CAB39: variants seen among roughly 807,000 people sequenced by gnomAD.
CAB39 encodes the protein calcium binding protein 39, also known as calcium-binding protein 39.
A neutral mutation model predicts 40.0 loss-of-function variants in CAB39; 8 were observed. The ratio of observed to expected loss-of-function variants is 0.20; its 90% confidence interval spans 0.12 to 0.36. The LOEUF (loss-of-function observed/expected upper bound fraction) is 0.36. Ranked by LOEUF, CAB39 falls within the 10% of genes least tolerant of loss-of-function variation. CAB39 has a pLI of 1.00. For missense variants in CAB39, 270 were observed against 401.1 expected (o/e 0.67, Z 2.79); for synonymous variants, 156 against 141.6 (o/e 1.10, Z -0.72).
At chr2:230,776,223 G>GTCTT (rs1292424698) in intron 2 of CAB39, among the ~76,000 whole-genome samples, 1 of 152,154 alleles carries the variant, frequency 6.6e-6, no homozygotes, top group African/African-American at 2.4e-5. Context: ...AGTGCAAGAG[G>GTCTT]TCTTACGCTA....
At chr2:230,736,139 C>T (rs1239920259) in intron 1 of CAB39, among the ~76,000 whole-genome samples, 1 of 152,150 alleles carries the variant, frequency 6.6e-6, no homozygotes, top group African/African-American at 2.4e-5. Flanking sequence ...GGCTTTACCA[C>T]ATTTTCTCTG....
At chr2:230,741,127 C>G (rs148659815) in intron 1 of CAB39, among the ~76,000 whole-genome samples, 17 of 152,262 alleles carry the variant, frequency 1.1e-4, no homozygotes, top group Admixed American at 2.0e-4. Flanking sequence ...GTTTATCTCC[C>G]TCTGACAAAA....
At chr2:230,724,950 G>C (rs1694534055) in intron 1 of CAB39, among the ~76,000 whole-genome samples, 1 of 151,810 alleles carries the variant, frequency 6.6e-6, no homozygotes, top group Admixed American at 6.6e-5. Flanking sequence ...AAAAGGACGG[G>C]GGAGGCATGC....
intron 2 of CAB39, among the ~76,000 whole-genome samples, chr2:230,772,448 T>A (rs1268900492): frequency 6.6e-6 from 1 of 151,848 alleles, no homozygotes; most frequent in African/African-American, 2.4e-5. Flanking sequence ...CTTGTGGGAA[T>A]ATAAGATGGT....
At chr2:230,810,173 T>A in intron 5 of CAB39, 90 bp from the exon 6 acceptor site, 2 of 632,104 alleles carry the variant, frequency 3.2e-6, no homozygotes, top group East Asian at 6.0e-5. Flanking sequence ...TTAACAACAG[T>A]TTTTATTAGG....
intron 2 of CAB39, among the ~76,000 whole-genome samples, chr2:230,789,926 A>C (rs1298200393): frequency 6.6e-6 from 1 of 152,158 alleles, no homozygotes; most frequent in African/African-American, 2.4e-5. Flanking sequence ...TACTGCCTGA[A>C]GTCCACTGTT....
At chr2:230,728,484 A>G (rs1309744385) in intron 1 of CAB39, among the ~76,000 whole-genome samples, 2 of 151,902 alleles carry the variant, frequency 1.3e-5, no homozygotes, top group South Asian at 2.1e-4. Context: ...TAATTTTTGT[A>G]GAAATCGTGT....
At chr2:230,732,183 G>A (rs1052372329) in intron 1 of CAB39, among the ~76,000 whole-genome samples, 4 of 151,980 alleles carry the variant, frequency 2.6e-5, no homozygotes, top group African/African-American at 7.3e-5. Flanking sequence ...CCGGGTCCAC[G>A]CCATTCTCCT....
chr2:230,781,943 C>T (rs1184355469), intron 2 of CAB39, among the ~76,000 whole-genome samples: 1 of 152,174 alleles, frequency 6.6e-6, no homozygotes, highest in African/African-American at 2.4e-5. Flanking sequence ...CGGCTCACTG[C>T]AACCTCTGTC....
At chr2:230,720,947 T>G (rs1257964285) in intron 1 of CAB39, among the ~76,000 whole-genome samples, 1 of 152,218 alleles carries the variant, frequency 6.6e-6, no homozygotes, top group Non-Finnish European at 1.5e-5. Context: ...TGTTCAGCAT[T>G]GGTGAGTTAT....
At chr2:230,727,363 CGTGTGTGTGTGTGTGTGTGT>C (rs10542723) in intron 1 of CAB39, among the ~76,000 whole-genome samples, 1 of 126,948 alleles carries the variant, frequency 7.9e-6, no homozygotes. Flanking sequence ...GATTGTTAAC[CGTGTGTGTGTGTGTGTGTGT>C]GTGTGTGTGT....
intron 2 of CAB39, among the ~76,000 whole-genome samples, chr2:230,763,744 A>G (rs1695334662): frequency 6.6e-6 from 1 of 152,234 alleles, no homozygotes; most frequent in African/African-American, 2.4e-5. Context: ...ACATTAAACT[A>G]CATGAATGAA....
intron 1 of CAB39, among the ~76,000 whole-genome samples, chr2:230,718,253 G>A (rs1218003943): frequency 1.3e-5 from 2 of 152,154 alleles, no homozygotes; most frequent in Non-Finnish European, 2.9e-5. Flanking sequence ...TGTGTATCTT[G>A]ATCTTAATTA....
chr2:230,758,984 A>C, intron 1 of CAB39, among the ~76,000 whole-genome samples: 1 of 152,148 alleles, frequency 6.6e-6, no homozygotes, highest in East Asian at 1.9e-4. Flanking sequence ...CCTTCTTGGA[A>C]TAGTTGCATG....
intron 2 of CAB39, among the ~76,000 whole-genome samples, chr2:230,760,988 C>T (rs1695279982): frequency 6.6e-6 from 1 of 151,716 alleles, no homozygotes. Flanking sequence ...ATCTTTATTT[C>T]TCTAAGTAAA....
At chr2:230,741,264 T>A (rs2124889793) in intron 1 of CAB39, among the ~76,000 whole-genome samples, 1 of 152,380 alleles carries the variant, frequency 6.6e-6, no homozygotes, top group South Asian at 2.1e-4. Flanking sequence ...GTTATTTACA[T>A]ATTAACATGT....
chr2:230,812,159 A>G (rs1326828787), intron 6 of CAB39, among the ~76,000 whole-genome samples: 2 of 152,242 alleles, frequency 1.3e-5, no homozygotes, highest in Non-Finnish European at 1.5e-5. Context: ...AGTAAAATTC[A>G]TGCTGGCTGC....
intron 2 of CAB39, among the ~76,000 whole-genome samples, chr2:230,781,299 A>G (rs1695682359): frequency 6.6e-6 from 1 of 152,146 alleles, no homozygotes; most frequent in Non-Finnish European, 1.5e-5. Flanking sequence ...GCTCTTGAGG[A>G]AAGTGGAGCC....
At chr2:230,751,805 C>G (rs1695089984) in intron 1 of CAB39, among the ~76,000 whole-genome samples, 3 of 152,152 alleles carry the variant, frequency 2.0e-5, no homozygotes, top group African/African-American at 7.2e-5. Flanking sequence ...AAACCCCCCA[C>G]AAATACAAAG....
Sources: gnomAD v4.1 joint callset for allele counts (sites outside exome capture counted in the v4.1 genomes callset) on GRCh38, gnomAD v4.1.1 for gene constraint, MANE v1.5 for transcripts, NCBI Gene and HGNC (gene_info 2026-07-23, HGNC 2026-07-21) for gene names.